The following KIAA0232 variants were observed in gnomAD, a reference collection of about 807,000 sequenced individuals.
The protein encoded by KIAA0232 is KIAA0232.
KIAA0232 carries 27 observed loss-of-function variants against 122.0 expected under a neutral mutation model. The observed-to-expected ratio is 0.22, with a 90% CI of 0.16 to 0.31. KIAA0232 has a LOEUF of 0.31. Among genes scored for constraint, KIAA0232 ranks in the 10% least tolerant of loss-of-function variants. KIAA0232 has a pLI of 1.00. For synonymous variants in KIAA0232, 613 were observed against 587.6 expected (o/e 1.04, Z -0.63); for missense variants, 1,551 against 1,634.2 (o/e 0.95, Z 0.88).
chr4:6,806,171 G>A (rs1427544702), intron 2 of KIAA0232, among the ~76,000 whole-genome samples: 1 of 151,998 alleles, frequency 6.6e-6, no homozygotes, highest in Non-Finnish European at 1.5e-5. Flanking sequence ...CTTTTTGAAG[G>A]CATAAAAACT....
chr4:6,811,037 A>G (rs911642710), intron 2 of KIAA0232, among the ~76,000 whole-genome samples: 1 of 152,254 alleles, frequency 6.6e-6, no homozygotes, highest in Non-Finnish European at 1.5e-5. Context: ...GGAAAAGAGT[A>G]TGGCGATTTC....
At chr4:6,864,256 A>T (rs1395254106) in intron 7 of KIAA0232, 73 bp downstream of exon 7, 12 of 1,452,348 alleles carry the variant, frequency 8.3e-6, no homozygotes, top group Non-Finnish European at 1.1e-5. Flanking sequence ...CATGCCAGTC[A>T]ATGAAAGATA....
chr4:6,807,013 C>G (rs1236552613), intron 2 of KIAA0232, among the ~76,000 whole-genome samples: 1 of 145,410 alleles, frequency 6.9e-6, no homozygotes, highest in African/African-American at 2.6e-5. Flanking sequence ...ATTGGTTTTT[C>G]CTTTTTGTCT....
chr4:6,805,726 C>G (rs1717585184), intron 2 of KIAA0232, among the ~76,000 whole-genome samples: 1 of 152,084 alleles, frequency 6.6e-6, no homozygotes, highest in Non-Finnish European at 1.5e-5. Flanking sequence ...TAAAATGTTT[C>G]AACGTTGACA....
intron 1 of KIAA0232, among the ~76,000 whole-genome samples, chr4:6,788,243 C>T (rs138366647): frequency 4.8e-4 from 73 of 152,194 alleles, no homozygotes; most frequent in African/African-American, 1.7e-3. Flanking sequence ...GCTTCAAACT[C>T]CTGGGCTCAA....
intron 3 of KIAA0232, among the ~76,000 whole-genome samples, chr4:6,828,739 G>C: frequency 6.6e-6 from 1 of 152,130 alleles, no homozygotes; most frequent in East Asian, 1.9e-4. Flanking sequence ...TTGTTTACGT[G>C]TATGTTTGTA....
chr4:6,862,271 G>A lies in KIAA0232; in HGVS notation c.1889G>A (p.Gly630Asp), dbSNP rs752417179. The A allele has an allele frequency of 1.2e-6, 2 of 1,614,134 alleles. No homozygotes were observed. Among genetic ancestry groups the A allele is most frequent in the Non-Finnish European group, 8.5e-7 (1 of 1,180,034 alleles). The change falls in exon 7 of 10, where the codon GGC becomes GAC. Residue 630 changes from glycine (G) to aspartate (D), a missense_variant. Physicochemically the swap from Gly to Asp is moderately conservative, Grantham distance 94 (BLOSUM62 -1). Transcript: ENST00000307659. ...STVLNSHLLAGNQELFSDINE... is the reference protein window; with the variant it reads ...STVLNSHLLADNQELFSDINE... Reference sequence around the variant, plus strand: ...GTGCTCAATTCACACCTGCTTGCTGGCAATCAAGAGCTCTTTTCAGATATT... The same window carrying A: ...GTGCTCAATTCACACCTGCTTGCTGACAATCAAGAGCTCTTTTCAGATATT...
chr4:6,883,589 A>G lies in KIAA0232; in HGVS notation c.*2623A>G, dbSNP rs1344970405. On this transcript the variant is annotated 3_prime_UTR_variant, in exon 10 of 10. Transcript: ENST00000307659. ...GAAATCAGCGGCTCCTCCCCATCTCACCCCCAGCACACGCAGGGACTACTA... is the reference window on the plus strand; with the variant it reads ...GAAATCAGCGGCTCCTCCCCATCTCGCCCCCAGCACACGCAGGGACTACTA... 6.6e-6 allele frequency: 1 copy of G among 152,218 alleles called. No individual in the cohort carries two copies. Among genetic ancestry groups the G allele is most frequent in the East Asian group, 1.9e-4 (1 of 5,186 alleles). 9.4% of individuals were successfully genotyped at this position (152,218 alleles called of 1,614,324 possible).
chr4:6,859,505 G>T (rs917587161), intron 6 of KIAA0232, among the ~76,000 whole-genome samples: 2 of 152,112 alleles, frequency 1.3e-5, no homozygotes, highest in African/African-American at 4.8e-5. Flanking sequence ...ATAAAAAAAA[G>T]TAAAGTATTA....
At chr4:6,842,262 T>G in intron 4 of KIAA0232, 58 bp downstream of exon 4, 1 of 1,519,638 alleles carries the variant, frequency 6.6e-7, no homozygotes, top group African/African-American at 1.4e-5. Flanking sequence ...TGATTTAAGT[T>G]TACAAATATG....
chr4:6,797,734 C>A (rs1362619411), intron 1 of KIAA0232, among the ~76,000 whole-genome samples: 1 of 146,660 alleles, frequency 6.8e-6, no homozygotes, highest in Non-Finnish European at 1.5e-5. Flanking sequence ...CTACTGTGCT[C>A]CAGCTAGCCT....
At chr4:6,844,306 AT>A (rs966274945) in intron 4 of KIAA0232, among the ~76,000 whole-genome samples, 6 of 151,924 alleles carry the variant, frequency 3.9e-5, no homozygotes, top group African/African-American at 1.2e-4. Context: ...AAAGGTACTG[AT>A]TTTTTTAAAA....
chr4:6,811,772 T>TTA (rs869077765), intron 2 of KIAA0232, among the ~76,000 whole-genome samples: 1 of 118,570 alleles, frequency 8.4e-6, no homozygotes, highest in Non-Finnish European at 1.8e-5. Flanking sequence ...TTTTTTTTTT[T>TTA]AAGATATAAA....
chr4:6,848,732 G>A (rs980042687), intron 4 of KIAA0232, among the ~76,000 whole-genome samples: 4 of 152,200 alleles, frequency 2.6e-5, no homozygotes, highest in African/African-American at 7.2e-5. Context: ...AATACTAAGA[G>A]CATCAATACA....
In KIAA0232 at chr4:6,862,170, C is replaced by T; in HGVS notation, c.1788C>T (p.Ser596=). 2 of 1,614,138 alleles carry T rather than the reference C, an allele frequency of 1.2e-6. No homozygotes were observed. Among genetic ancestry groups the T allele is most frequent in the Non-Finnish European group, 1.7e-6 (2 of 1,180,022 alleles). Residue 596 remains serine, a synonymous_variant, in exon 7 of 10, where the codon TCC becomes TCT. Coordinates refer to ENST00000307659, the MANE Select transcript of KIAA0232 (RefSeq NM_014743.3). ...NLAQFWECCS[S]SSGDADGESF... is the part of the protein sequence containing the mutation. ...CTCAGTTTTGGGAGTGCTGTTCATC[C>T]AGCTCCGGTGATGCTGATGGGGAGA...
At chr4:6,832,100 G>A (rs1001588714) in intron 3 of KIAA0232, among the ~76,000 whole-genome samples, 1 of 152,186 alleles carries the variant, frequency 6.6e-6, no homozygotes, top group South Asian at 2.1e-4. Flanking sequence ...CAAGAGAGTT[G>A]TGCTGCCACC....
rs924813102 is a variant in KIAA0232 at position 6,800,676 on chromosome 4, G to A, written c.-353-3847G>A. Among the ~76,000 whole-genome samples the A allele has an allele frequency of 7.4e-5, 11 of 149,348 alleles. No individual in the cohort carries two copies. In the East Asian group the frequency reaches 1.2e-3, roughly 16 times the overall value. ...AGCCTGGGCGACAGAGGGAAACTCC[G>A]TCTCAAAAAAAAAAAAGAAAATTTG... On this transcript the variant is annotated intron_variant, in intron 1 of 9. Coordinates refer to ENST00000307659, the MANE Select transcript of KIAA0232 (RefSeq NM_014743.3).
Position 6,792,841 on chromosome 4 carries a change from C to G in KIAA0232, c.-354+10000C>G, listed in dbSNP as rs188390615. ...AGTAGCTGGGACCACAGGTGCCCACCACCACGCCCGGCTAATGTTTTTGTA... is the reference window on the plus strand; with the variant it reads ...AGTAGCTGGGACCACAGGTGCCCACGACCACGCCCGGCTAATGTTTTTGTA... On this transcript the variant is annotated intron_variant, in intron 1 of 9. Transcript: ENST00000307659. 2.1e-3 allele frequency among the ~76,000 whole-genome samples: 327 copies of G among 152,112 alleles called. 2 individuals are homozygous for G. The highest frequency in any genetic ancestry group is 7.5e-3 in the African/African-American group (312 of 41,504).
At chr4:6,795,127 A>G (rs1717072507) in intron 1 of KIAA0232, among the ~76,000 whole-genome samples, 3 of 151,970 alleles carry the variant, frequency 2.0e-5, no homozygotes, top group African/African-American at 7.3e-5. Flanking sequence ...CTGGAGTGCA[A>G]TTGCATGATC....
Sources: gnomAD v4.1 joint callset for allele counts (sites outside exome capture counted in the v4.1 genomes callset) on GRCh38, gnomAD v4.1.1 for gene constraint, MANE v1.5 for transcripts, NCBI Gene and HGNC (gene_info 2026-07-23, HGNC 2026-07-21) for gene names.